The following MTA1 variants were observed in gnomAD, a reference collection of about 807,000 sequenced individuals.
MTA1 encodes metastasis-associated protein MTA1.
Under a neutral mutation model 97.0 loss-of-function variants are expected in MTA1, and 15 were observed. That is an observed-to-expected ratio of 0.15 (90% CI 0.10 to 0.24). The LOEUF (loss-of-function observed/expected upper bound fraction) is 0.24. Among genes scored for constraint, MTA1 ranks in the 10% least tolerant of loss-of-function variants. MTA1 has a pLI of 1.00. For synonymous variants in MTA1, 435 were observed against 417.5 expected, an observed-to-expected ratio of 1.04 and a Z score of -0.51; for missense variants, 709 against 1,015.1, an observed-to-expected ratio of 0.70 and a Z score of 4.10.
chr14:105,454,997 C>T (rs1162994544), intron 7 of MTA1, among the ~76,000 whole-genome samples: 1 of 152,106 alleles, frequency 6.6e-6, no homozygotes, highest in Admixed American at 6.5e-5. Flanking sequence ...CCTCGACCTC[C>T]CAGGCTCAGA....
intron 2 of MTA1, among the ~76,000 whole-genome samples, chr14:105,444,549 G>C (rs1353081587): frequency 6.6e-6 from 1 of 152,104 alleles, no homozygotes; most frequent in Non-Finnish European, 1.5e-5. Context: ...CCAGCACTTT[G>C]TGGGGCTGAG....
intron 1 of MTA1, among the ~76,000 whole-genome samples, chr14:105,429,514 C>T (rs1411662035): frequency 2.6e-5 from 4 of 151,034 alleles, no homozygotes; most frequent in South Asian, 2.1e-4. Context: ...TGCAGTGGCA[C>T]GATCTCGGCT....
chr14:105,450,348 T>G (rs587756872), intron 6 of MTA1, 24 bp downstream of exon 6: 2 of 1,591,328 alleles, frequency 1.3e-6, no homozygotes, highest in South Asian at 1.1e-5. Flanking sequence ...CGGCCTGGTC[T>G]GCCGCAGCCA....
intron 7 of MTA1, 82 bp from the exon 8 acceptor site, chr14:105,458,188 G>A: frequency 1.7e-6 from 2 of 1,203,580 alleles, no homozygotes; most frequent in Non-Finnish European, 2.4e-6. Context: ...CGTCCCAGCA[G>A]CTCCCCGCAC....
chr14:105,460,288 T>C, intron 8 of MTA1, 70 bp from the exon 9 acceptor site: 1 of 1,422,824 alleles, frequency 7.0e-7, no homozygotes, highest in Non-Finnish European at 9.5e-7. Flanking sequence ...CCCTGGCGCC[T>C]GGGGAGCGGT....
At chr14:105,441,814 A>C (rs28417747) in intron 2 of MTA1, among the ~76,000 whole-genome samples, 6,126 of 152,128 alleles carry the variant, frequency 0.04, 405 homozygotes, top group African/African-American at 0.14. Flanking sequence ...AAAAGTAAAA[A>C]AGGAACTCAG....
intron 18 of MTA1, 172 bp downstream of exon 18, chr14:105,466,914 T>C: frequency 1.5e-6 from 1 of 685,304 alleles, no homozygotes; most frequent in Non-Finnish European, 2.4e-6. Flanking sequence ...GGTCCCTTGG[T>C]GAAGACCCCC....
chr14:105,458,201 G>A (rs7492915), intron 7 of MTA1, 69 bp from the exon 8 acceptor site: 1,342,797 of 1,378,674 alleles, frequency 0.97, 660,384 homozygotes, highest in Non-Finnish European at 1. Flanking sequence ...CCCCGCACCC[G>A]GGGAGGAGAG....
intron 2 of MTA1, among the ~76,000 whole-genome samples, chr14:105,441,711 G>A (rs587633474): frequency 8.3e-4 from 126 of 152,202 alleles, no homozygotes; most frequent in Middle Eastern, 3.4e-3. Flanking sequence ...GGAGAATGGC[G>A]TGAACCCGGG....
intron 2 of MTA1, among the ~76,000 whole-genome samples, chr14:105,444,618 CTG>C (rs1555426624): frequency 6.6e-6 from 1 of 152,038 alleles, no homozygotes; most frequent in African/African-American, 2.4e-5. Context: ...TGGCAAAACC[CTG>C]TCTCTACTGA....
chr14:105,456,598 C>G (rs1434289731), intron 7 of MTA1, among the ~76,000 whole-genome samples: 1 of 152,232 alleles, frequency 6.6e-6, no homozygotes, highest in Non-Finnish European at 1.5e-5. Context: ...GAGGCTGTGT[C>G]CCTCTTGAGT....
At position 105,460,907 on chromosome 14, in the gene MTA1, C is replaced by T; in HGVS notation, c.896C>T (p.Ala299Val). 1.9e-6 allele frequency: 3 copies of T among 1,612,744 alleles called. No homozygotes were observed. The highest frequency in any genetic ancestry group is 2.5e-6 in the Non-Finnish European group (3 of 1,179,630). ...SASEANLFEEALEKYGKDFTD... is the reference protein window; with the variant it reads ...SASEANLFEEVLEKYGKDFTD... ...TCAGAGGCCAACCTTTTCGAGGAAG[C>T]CCTGGAAAAATATGGGAAGGATTTC... The change falls in exon 10 of 21, where the codon GCC becomes GTC. Residue 299 changes from alanine to valine, a missense_variant. Physicochemically the swap from Ala to Val is moderately conservative, Grantham distance 64. This residue lies in a region of MTA1 where 321 missense variants were observed against 593.5 expected (regional missense o/e 0.54). Transcript: ENST00000331320.
At chr14:105,467,391 A>G (rs915672515) in intron 18 of MTA1, 10 of 455,548 alleles carry the variant, frequency 2.2e-5, no homozygotes, top group African/African-American at 2.0e-4. Flanking sequence ...GGTGCTGGCC[A>G]GGGCAGCAGG....
chr14:105,463,620 G>A lies in MTA1; in HGVS notation c.1076+69G>A, dbSNP rs1027425177. ...CAGGGAGGGTGGGCACAGGGTGCTG[G>A]GGCCAGGCGGGTCCCAAGGAAACTC... On this transcript the variant is annotated intron_variant, in intron 12 of 20. Transcript: ENST00000331320. The surrounding 1 kb of genome is among the most constrained non-coding windows in gnomAD (Gnocchi z 5.9). The A allele has an allele frequency of 8.2e-6, 12 of 1,468,650 alleles. No individual in the cohort carries two copies. The highest frequency in any genetic ancestry group is 7.0e-5 in the African/African-American group (5 of 71,450). The allele number at this position is 1,468,650 out of a possible 1,614,324, so 91.0% of individuals were successfully genotyped here. A position where few individuals can be genotyped will look rare whatever the true frequency, so the allele number is the denominator to read the frequency against.
intron 6 of MTA1, among the ~76,000 whole-genome samples, chr14:105,451,097 C>T (rs903066467): frequency 2.7e-4 from 41 of 152,198 alleles, no homozygotes; most frequent in African/African-American, 7.2e-4. Flanking sequence ...ACACCCCCAG[C>T]GTGTCCAGTC....
intron 2 of MTA1, among the ~76,000 whole-genome samples, chr14:105,441,459 C>T (rs1397947004): frequency 5.3e-5 from 8 of 150,884 alleles, no homozygotes; most frequent in African/African-American, 1.7e-4. Flanking sequence ...TGGGGCGGGG[C>T]GGGGGGGCTT....
chr14:105,469,547 C>A (rs782543890), intron 19 of MTA1, 49 bp downstream of exon 19: 1 of 1,601,200 alleles, frequency 6.2e-7, no homozygotes, highest in Non-Finnish European at 8.5e-7. Flanking sequence ...CCCATGAGCT[C>A]TCTGGGGTGT....
At chr14:105,437,773 G>A (rs1038268851) in intron 1 of MTA1, among the ~76,000 whole-genome samples, 2 of 152,198 alleles carry the variant, frequency 1.3e-5, no homozygotes, top group Non-Finnish European at 2.9e-5. Flanking sequence ...GAGGGTGCTC[G>A]TGGTGCTGGT....
At chr14:105,427,879 G>A (rs1472287789) in intron 1 of MTA1, among the ~76,000 whole-genome samples, 1 of 151,796 alleles carries the variant, frequency 6.6e-6, no homozygotes, top group African/African-American at 2.4e-5. Context: ...AAAGCCAGGC[G>A]TGGTGGTGCG....
Sources: gnomAD v4.1 joint callset for allele counts (sites outside exome capture counted in the v4.1 genomes callset) on GRCh38, gnomAD v4.1.1 for gene constraint, gnomAD v4.1.1 regional missense constraint, Gnocchi (gnomAD v3.1) non-coding constraint, MANE v1.5 for transcripts, NCBI Gene and HGNC (gene_info 2026-07-23, HGNC 2026-07-21) for gene names.